TMEM181: variants seen among roughly 807,000 people sequenced by gnomAD.
The protein encoded by TMEM181 is transmembrane protein 181.
Under a neutral mutation model 71.9 loss-of-function variants are expected in TMEM181, and 39 were observed. That is an observed-to-expected ratio of 0.54 (90% CI 0.42 to 0.71). TMEM181 has a LOEUF of 0.71. TMEM181 is among the 30% of genes least tolerant of loss of function. TMEM181 has a pLI of 0.00. For missense variants in TMEM181, 595 were observed against 583.0 expected, an observed-to-expected ratio of 1.02 and a Z score of -0.21; for synonymous variants, 245 against 228.8, an observed-to-expected ratio of 1.07 and a Z score of -0.64.
intron 4 of TMEM181, 115 bp downstream of exon 4, chr6:158,584,159 T>C: frequency 1.2e-6 from 1 of 807,056 alleles, no homozygotes; most frequent in Non-Finnish European, 1.9e-6. Context: ...TGTATAAGGA[T>C]GTCCATTATT....
At chr6:158,610,622 G>A (rs1785243535) in intron 10 of TMEM181, 1 of 345,068 alleles carries the variant, frequency 2.9e-6, no homozygotes, top group South Asian at 7.1e-5. Context: ...TTTTCCTCCC[G>A]AGCTTCTGGA....
At chr6:158,612,431 T>C (rs1268713711) in intron 10 of TMEM181, among the ~76,000 whole-genome samples, 1 of 152,320 alleles carries the variant, frequency 6.6e-6, no homozygotes, top group South Asian at 2.1e-4. Flanking sequence ...TGTAGATGTT[T>C]TGGATAGTTG....
At chr6:158,541,375 C>A (rs1376191099) in intron 1 of TMEM181, among the ~76,000 whole-genome samples, 1 of 152,108 alleles carries the variant, frequency 6.6e-6, no homozygotes, top group African/African-American at 2.4e-5. Flanking sequence ...TGAGATCATG[C>A]CATTGCACTC....
chr6:158,630,410 C>T (rs963049729), intron 15 of TMEM181, among the ~76,000 whole-genome samples: 9 of 151,900 alleles, frequency 5.9e-5, no homozygotes, highest in East Asian at 5.8e-4. Flanking sequence ...GAGGGACGGT[C>T]GCTTGAGCCC....
chr6:158,607,122 C>T, intron 7 of TMEM181, 122 bp from the exon 8 acceptor site: 1 of 764,512 alleles, frequency 1.3e-6, no homozygotes. Flanking sequence ...GGCAGCGACT[C>T]TTAGTGGGGC....
At chr6:158,629,860 G>T in intron 15 of TMEM181, 41 bp downstream of exon 15, 1 of 1,521,598 alleles carries the variant, frequency 6.6e-7, no homozygotes, top group Non-Finnish European at 9.1e-7. Context: ...CAGTTAGCGG[G>T]CACAGAGGCC....
At chr6:158,603,037 GCTTCTTGTA>G (rs1475029931) in intron 6 of TMEM181, among the ~76,000 whole-genome samples, 1 of 152,112 alleles carries the variant, frequency 6.6e-6, no homozygotes, top group African/African-American at 2.4e-5. Flanking sequence ...CTCTCACGGT[GCTTCTTGTA>G]CTTTTCCTCG....
chr6:158,630,999 C>T (rs1199575422), intron 15 of TMEM181, among the ~76,000 whole-genome samples: 1 of 152,240 alleles, frequency 6.6e-6, no homozygotes, highest in African/African-American at 2.4e-5. Context: ...GGCAGAGCCA[C>T]CTCTCCTGGG....
intron 10 of TMEM181, chr6:158,609,573 C>G (rs1215572215): frequency 6.4e-6 from 1 of 155,044 alleles, no homozygotes; most frequent in Non-Finnish European, 1.4e-5. Context: ...ATATCCCGTC[C>G]TGGTTTTCTG....
chr6:158,588,829 G>T (rs1258008411), intron 5 of TMEM181, among the ~76,000 whole-genome samples: 4 of 152,228 alleles, frequency 2.6e-5, no homozygotes, highest in Admixed American at 2.0e-4. Flanking sequence ...GGCTTGACCA[G>T]TCATTGGAGC....
chr6:158,564,998 G>A (rs55970438), intron 1 of TMEM181, among the ~76,000 whole-genome samples: 65 of 152,302 alleles, frequency 4.3e-4, no homozygotes, highest in Non-Finnish European at 6.9e-4. Context: ...CCCGCCTACC[G>A]TCGTGGTGGT....
chr6:158,598,742 C>G (rs1361246535), intron 6 of TMEM181, among the ~76,000 whole-genome samples: 1 of 151,206 alleles, frequency 6.6e-6, no homozygotes, highest in Non-Finnish European at 1.5e-5. Context: ...GGCACAATCT[C>G]GGCTCACTGC....
intron 1 of TMEM181, among the ~76,000 whole-genome samples, chr6:158,545,701 G>A (rs562844477): frequency 6.6e-6 from 1 of 151,520 alleles, no homozygotes; most frequent in South Asian, 2.1e-4. Flanking sequence ...GTTTTTTAGA[G>A]ATGGGGTCTC....
At chr6:158,617,356 T>C (rs1188833702) in intron 10 of TMEM181, among the ~76,000 whole-genome samples, 1 of 152,194 alleles carries the variant, frequency 6.6e-6, no homozygotes, top group Non-Finnish European at 1.5e-5. Context: ...TTATTGCATC[T>C]ATTTGGTTCT....
intron 10 of TMEM181, among the ~76,000 whole-genome samples, chr6:158,616,392 G>A (rs574664093): frequency 3.3e-5 from 5 of 152,264 alleles, no homozygotes; most frequent in South Asian, 2.1e-4. Context: ...GGGCTGAGAC[G>A]ATGGGGTTTT....
intron 1 of TMEM181, among the ~76,000 whole-genome samples, chr6:158,544,182 A>AGAGAGTGTGTGTGTGT (rs149735409): frequency 2.6e-4 from 33 of 127,646 alleles, no homozygotes; most frequent in Middle Eastern, 7.8e-3. Context: ...AATTGGAGAG[A>AGAGAGTGTGTGTGTGT]GTGTGTGTGT....
intron 10 of TMEM181, among the ~76,000 whole-genome samples, chr6:158,614,768 C>G (rs937362804): frequency 3.9e-5 from 6 of 152,054 alleles, no homozygotes; most frequent in Non-Finnish European, 4.4e-5. Context: ...ATAGTTTGCT[C>G]AGAATGATGG....
intron 10 of TMEM181, among the ~76,000 whole-genome samples, chr6:158,615,116 T>C (rs1785545407): frequency 6.6e-6 from 1 of 152,200 alleles, no homozygotes; most frequent in African/African-American, 2.4e-5. Context: ...AGTGTAAAAG[T>C]GTTCCTCTTT....
At chr6:158,590,968 G>T (rs990100837) in intron 6 of TMEM181, among the ~76,000 whole-genome samples, 1 of 152,216 alleles carries the variant, frequency 6.6e-6, no homozygotes, top group African/African-American at 2.4e-5. Flanking sequence ...GTGGTCTTCG[G>T]TGACTGTCTG....
Sources: allele counts gnomAD v4.1 joint callset (sites outside exome capture counted in the v4.1 genomes callset), GRCh38; gene constraint gnomAD v4.1.1; transcripts MANE v1.5; gene names NCBI Gene and HGNC (gene_info 2026-07-23, HGNC 2026-07-21).